RPS3: variants seen among roughly 807,000 people sequenced by gnomAD.
RPS3 encodes ribosomal protein S3.
RPS3 carries 2 observed loss-of-function variants against 25.8 expected under a neutral mutation model. That is an observed-to-expected ratio of 0.08 (90% CI 0.03 to 0.24). The LOEUF is 0.24. Among genes scored for constraint, RPS3 ranks in the 10% least tolerant of loss-of-function variants. The pLI is 1.00. For missense variants in RPS3, 107 were observed against 307.1 expected, an observed-to-expected ratio of 0.35 and a Z score of 4.87; for synonymous variants, 114 against 114.2, an observed-to-expected ratio of 1.00 and a Z score of 0.01.
chr11:75,413,343 G>A (rs1948373072), intron 6 of RPS3, among the ~76,000 whole-genome samples: 1 of 151,926 alleles, frequency 6.6e-6, no homozygotes, highest in Non-Finnish European at 1.5e-5. Flanking sequence ...TGCAAGCTCT[G>A]CCTCCTGGCT....
In RPS3 at chr11:75,400,673, ACTTTG is replaced by A. The variant is rs760831658; in HGVS notation, c.31-15_31-11del. The A allele has an allele frequency of 4.9e-5, 79 of 1,609,308 alleles. No homozygotes were observed. Among genetic ancestry groups the A allele is most frequent in the Non-Finnish European group, 6.6e-5 (78 of 1,176,848 alleles). On this transcript the variant is annotated splice_polypyrimidine_tract_variant and intron_variant, in intron 1 of 6. Coordinates refer to ENST00000531188, the MANE Select transcript of RPS3 (RefSeq NM_001005.5). ...GCCTACACCGATCTCCTAATTTTGA[ACTTTG>A]CTTTGTTTGGATTAGTTTGTCGCTG...
chr11:75,408,617 G>A (rs559068605), downstream of RPS3, among the ~76,000 whole-genome samples: 5 of 152,066 alleles, frequency 3.3e-5, no homozygotes, highest in African/African-American at 7.2e-5. Flanking sequence ...TTGCTCTGTC[G>A]CCCAGGCTGG....
chr11:75,410,806 A>T (rs1948350086), downstream of RPS3, among the ~76,000 whole-genome samples: 3 of 152,218 alleles, frequency 2.0e-5, no homozygotes, highest in Admixed American at 2.0e-4. Flanking sequence ...CAACACAGCA[A>T]AACCCCGTCT....
intron 6 of RPS3, among the ~76,000 whole-genome samples, chr11:75,417,277 CT>C (rs1948407661): frequency 6.6e-6 from 1 of 152,078 alleles, no homozygotes; most frequent in Admixed American, 6.6e-5. Flanking sequence ...CAAGATCAAC[CT>C]GGGCAACATA....
Position 75,401,663 on chromosome 11 carries a change from A to T in RPS3, c.185A>T (p.Lys62Met). The change falls in exon 3 of 7, where the codon AAG becomes ATG. Residue 62 changes from lysine (K) to methionine (M), a missense_variant. Physicochemically the swap from Lys to Met is moderately conservative, Grantham distance 95 (BLOSUM62 -1). Coordinates refer to ENST00000531188, the MANE Select transcript of RPS3 (RefSeq NM_001005.5). Reference protein sequence around the residue: ...ATRTQNVLGEKGRRIRELTAV... With the variant: ...ATRTQNVLGEMGRRIRELTAV... The stretch of plus-strand genomic sequence containing the variant: ...AGAACACAGAATGTTCTTGGTGAGA[A>T]GGGCCGGCGGATTCGGGAACTGACT... 1 of 1,612,748 alleles carries T rather than the reference A, an allele frequency of 6.2e-7. No homozygotes were observed. The highest frequency in any genetic ancestry group is 8.5e-7 in the Non-Finnish European group (1 of 1,178,674).
intron 6 of RPS3, among the ~76,000 whole-genome samples, chr11:75,418,123 C>G (rs1192149336): frequency 6.6e-6 from 1 of 152,248 alleles, no homozygotes; most frequent in Non-Finnish European, 1.5e-5. Context: ...CCTAAGGCCA[C>G]ACAGCTGAAG....
intron 6 of RPS3, among the ~76,000 whole-genome samples, chr11:75,419,180 A>C (rs1215624187): frequency 1.3e-5 from 2 of 152,166 alleles, no homozygotes; most frequent in Non-Finnish European, 2.9e-5. Flanking sequence ...TTTTTATCAC[A>C]CAGTATTGTG....
chr11:75,400,846 A>G (rs968047622), intron 2 of RPS3, 22 bp downstream of exon 2: 4 of 1,605,432 alleles, frequency 2.5e-6, no homozygotes, highest in Non-Finnish European at 3.4e-6. Flanking sequence ...TTGACTGGCC[A>G]TCACCTATAA....
At chr11:75,408,542 A>T (rs2135062430), downstream of RPS3, among the ~76,000 whole-genome samples, 1 of 152,192 alleles carries the variant, frequency 6.6e-6, no homozygotes, top group Non-Finnish European at 1.5e-5. Flanking sequence ...GGCCAGGTGC[A>T]GTGGCTCATG....
chr11:75,402,156 A>G, intron 3 of RPS3, 196 bp from the exon 4 acceptor site: 2 of 719,290 alleles, frequency 2.8e-6, no homozygotes, highest in Non-Finnish European at 4.6e-6. Context: ...GGGCCACACT[A>G]CTACTGGTAG....
At chr11:75,403,769 T>G (rs1434351574) in intron 4 of RPS3, 13 of 382,674 alleles carry the variant, frequency 3.4e-5, no homozygotes, top group African/African-American at 1.5e-4. Context: ...TTTTTTATTT[T>G]AGCCTTCTGA....
At chr11:75,402,240 G>T in intron 3 of RPS3, 112 bp from the exon 4 acceptor site, 1 of 1,532,564 alleles carries the variant, frequency 6.5e-7, no homozygotes, top group Non-Finnish European at 9.0e-7. Context: ...GCGGCCCGTG[G>T]GTTGGGCAAG....
chr11:75,403,989 AAC>A (rs755748185), intron 4 of RPS3, 29 bp from the exon 5 acceptor site: 4 of 1,592,606 alleles, frequency 2.5e-6, no homozygotes, highest in Non-Finnish European at 3.4e-6. Flanking sequence ...CCTTGGCAAT[AAC>A]ACAGTGGCTC....
rs1948288280 is a variant in RPS3 at position 75,406,384 on chromosome 11, C to T, written c.*774C>T. The stretch of plus-strand genomic sequence containing the variant: ...CATGAGACTGTTGTTAAATCAGATG[C>T]TGGTTGATCACAGAGGGGACTTCCA... On this transcript the variant is annotated 3_prime_UTR_variant, in exon 7 of 7. Coordinates refer to ENST00000531188, the MANE Select transcript of RPS3 (RefSeq NM_001005.5). 1 of 152,208 alleles carries T rather than the reference C, an allele frequency of 6.6e-6. No individual in the cohort carries two copies. Among genetic ancestry groups the T allele is most frequent in the Non-Finnish European group, 1.5e-5 (1 of 68,046 alleles). 9.4% of individuals were successfully genotyped at this position (152,208 alleles called of 1,614,324 possible). A position where few individuals can be genotyped will look rare whatever the true frequency, so the allele number is the denominator to read the frequency against.
chr11:75,419,412 G>C (rs1948425815), intron 6 of RPS3, among the ~76,000 whole-genome samples: 1 of 151,868 alleles, frequency 6.6e-6, no homozygotes, highest in Non-Finnish European at 1.5e-5. Flanking sequence ...AAATTAGCTG[G>C]GCATGGTGGC....
intron 4 of RPS3, 60 bp from the exon 5 acceptor site, chr11:75,403,960 T>G (rs1948246745): frequency 6.6e-7 from 1 of 1,514,972 alleles, no homozygotes; most frequent in African/African-American, 1.4e-5. Context: ...TTGTTTTGTT[T>G]TTTAAACTTG....
intron 1 of RPS3, 163 bp downstream of exon 1, chr11:75,399,740 C>T: frequency 3.2e-6 from 2 of 629,446 alleles, no homozygotes; most frequent in African/African-American, 3.8e-5. Context: ...GAGTGAGAGG[C>T]CCCAGCCAGG....
intron 6 of RPS3, among the ~76,000 whole-genome samples, chr11:75,421,186 C>T (rs537097210): frequency 3.9e-5 from 6 of 152,260 alleles, no homozygotes; most frequent in East Asian, 3.9e-4. Flanking sequence ...GGATAATCGG[C>T]GGGTCGGAGC....
downstream of RPS3, among the ~76,000 whole-genome samples, chr11:75,408,509 C>T (rs1948310047): frequency 1.3e-5 from 2 of 152,108 alleles, no homozygotes; most frequent in Non-Finnish European, 1.5e-5. Flanking sequence ...TGCCCCCTCC[C>T]TTGTATCTAA....
Sources: allele counts gnomAD v4.1 joint callset (sites outside exome capture counted in the v4.1 genomes callset), GRCh38; gene constraint gnomAD v4.1.1; transcripts MANE v1.5; gene names NCBI Gene and HGNC (gene_info 2026-07-23, HGNC 2026-07-21).